The following CSMD1 variants were observed in gnomAD, a reference collection of about 807,000 sequenced individuals.
CSMD1 encodes CUB and sushi domain-containing protein 1.
Under a neutral mutation model 417.5 loss-of-function variants are expected in CSMD1, and 213 were observed. The observed-to-expected ratio is 0.51, with a 90% CI of 0.46 to 0.57. CSMD1 has a LOEUF of 0.57. Ranked by LOEUF, CSMD1 falls within the 20% of genes least tolerant of loss-of-function variation. CSMD1 has a pLI of 0.00. For synonymous variants in CSMD1, 2,862 were observed against 1,736.8 expected (o/e 1.65, Z -16.11); for missense variants, 6,923 against 4,529.7 (o/e 1.53, Z -15.17).
chr8:3,941,011 A>G (rs145358838), intron 5 of CSMD1, among the ~76,000 whole-genome samples: 3 of 152,096 alleles, frequency 2.0e-5, no homozygotes, highest in African/African-American at 4.8e-5. Context: ...ATAGATGTAC[A>G]TATTTCCATG....
At chr8:3,853,501 C>G (rs929028711) in intron 5 of CSMD1, among the ~76,000 whole-genome samples, 11 of 152,166 alleles carry the variant, frequency 7.2e-5, no homozygotes, top group African/African-American at 2.4e-4. Flanking sequence ...AGACACTTCT[C>G]AAGCATCAAT....
At chr8:3,002,679 G>GT (rs1353951530) in intron 52 of CSMD1, among the ~76,000 whole-genome samples, 1 of 152,186 alleles carries the variant, frequency 6.6e-6, no homozygotes, top group African/African-American at 2.4e-5. Context: ...TCTGAACTGA[G>GT]TTTTTTGTAA....
rs372213269 is a variant in CSMD1, at chr8:3,928,062, C to T, written c.818+69841G>A. Reference sequence around the variant, plus strand: ...CATCAATTTTTTTCTTAAATTTCCCCACTTTATTCAAGGAGGCCTGAGTTT... The same window carrying T: ...CATCAATTTTTTTCTTAAATTTCCCTACTTTATTCAAGGAGGCCTGAGTTT... On this transcript the variant is annotated intron_variant, in intron 5 of 69. Transcript: ENST00000635120. 4.0e-5 allele frequency among the ~76,000 whole-genome samples: 6 copies of T among 151,898 alleles called. No homozygotes were observed. The East Asian group carries it at 5.8e-4, about 15-fold the overall frequency.
chr8:3,684,036 T>A (rs1406054286), intron 7 of CSMD1, among the ~76,000 whole-genome samples: 1 of 150,322 alleles, frequency 6.7e-6, no homozygotes, highest in Non-Finnish European at 1.5e-5. Flanking sequence ...AAAGAGACAG[T>A]CTTTCTATTT....
chr8:4,841,576 G>T (rs976060262), intron 1 of CSMD1, among the ~76,000 whole-genome samples: 2 of 152,052 alleles, frequency 1.3e-5, no homozygotes, highest in African/African-American at 4.8e-5. Flanking sequence ...AAACCATTAC[G>T]CTGAAATATA....
At chr8:4,446,178 TCAAAGAAA>T (rs1461375260) in intron 2 of CSMD1, among the ~76,000 whole-genome samples, 1 of 152,212 alleles carries the variant, frequency 6.6e-6, no homozygotes, top group East Asian at 1.9e-4. Flanking sequence ...AAATGACGCA[TCAAAGAAA>T]CAAAAGACAT....
chr8:3,494,567 GA>G lies in CSMD1; in HGVS notation c.1345-842del, dbSNP rs1563092028. Among the ~76,000 whole-genome samples the G allele has an allele frequency of 5.6e-3, 609 of 109,312 alleles. 4 individuals carry two copies. The highest frequency in any genetic ancestry group is 0.018 in the African/African-American group (554 of 30,178). 71.7% of individuals were successfully genotyped at this position (109,312 alleles called of 152,430 possible). On this transcript the variant is annotated intron_variant, in intron 10 of 69. Transcript: ENST00000635120. ...AGACAGATTAGATGATAGATAGATA[GA>G]TAGATAGATAGATAGATAGATAGAT...
intron 3 of CSMD1, among the ~76,000 whole-genome samples, chr8:4,388,487 G>A (rs1468218966): frequency 6.6e-6 from 1 of 151,748 alleles, no homozygotes; most frequent in Non-Finnish European, 1.5e-5. Context: ...TCACTGATAT[G>A]TGGGAGGTAA....
chr8:3,421,070 A>T (rs1294201221), intron 12 of CSMD1, among the ~76,000 whole-genome samples: 1 of 152,240 alleles, frequency 6.6e-6, no homozygotes, highest in Non-Finnish European at 1.5e-5. Flanking sequence ...ACAATAACTG[A>T]AGACGAAGCT....
At chr8:3,292,647 A>T (rs1180554135) in intron 25 of CSMD1, among the ~76,000 whole-genome samples, 3 of 152,166 alleles carry the variant, frequency 2.0e-5, no homozygotes, top group Non-Finnish European at 4.4e-5. Flanking sequence ...CTAGGATGGC[A>T]ACCCCTGCCT....
At chr8:3,647,771 AGT>A (rs1264249068) in intron 7 of CSMD1, among the ~76,000 whole-genome samples, 1 of 152,214 alleles carries the variant, frequency 6.6e-6, no homozygotes, top group African/African-American at 2.4e-5. Context: ...AGAGAGAAAG[AGT>A]GAGAGAAAGA....
At chr8:3,882,630 G>A (rs1419303831) in intron 5 of CSMD1, among the ~76,000 whole-genome samples, 1 of 152,128 alleles carries the variant, frequency 6.6e-6, no homozygotes, top group Non-Finnish European at 1.5e-5. Context: ...TGAAAATTAT[G>A]TAATTGCCCT....
At chr8:3,301,926 C>G (rs1269649904) in intron 25 of CSMD1, among the ~76,000 whole-genome samples, 4 of 152,052 alleles carry the variant, frequency 2.6e-5, no homozygotes, top group Non-Finnish European at 4.4e-5. Context: ...GCTTTGTTTT[C>G]AGATTCTATG....
At chr8:4,264,200 C>A (rs77356676) in intron 3 of CSMD1, among the ~76,000 whole-genome samples, 1 of 152,108 alleles carries the variant, frequency 6.6e-6, no homozygotes, top group South Asian at 2.1e-4. Flanking sequence ...ATGATGATTA[C>A]CAACGTGACT....
chr8:3,405,887 C>A, intron 15 of CSMD1, 140 bp downstream of exon 15: 1 of 743,074 alleles, frequency 1.3e-6, no homozygotes, highest in Non-Finnish European at 2.1e-6. Flanking sequence ...AGACTGTACA[C>A]TCCTGTTGGT....
At chr8:4,608,276 C>G (rs955353763) in intron 2 of CSMD1, among the ~76,000 whole-genome samples, 1 of 152,164 alleles carries the variant, frequency 6.6e-6, no homozygotes, top group Admixed American at 6.5e-5. Context: ...AAGTCTGCAC[C>G]GTGGGCTAAG....
chr8:3,109,916 A>G (rs1816391689), intron 43 of CSMD1, among the ~76,000 whole-genome samples: 1 of 151,932 alleles, frequency 6.6e-6, no homozygotes, highest in Non-Finnish European at 1.5e-5. Context: ...ACACACATCC[A>G]ATACATACAC....
At chr8:3,890,716 T>C (rs773151078) in intron 5 of CSMD1, among the ~76,000 whole-genome samples, 4 of 152,116 alleles carry the variant, frequency 2.6e-5, no homozygotes, top group Non-Finnish European at 5.9e-5. Context: ...TAAAGGAAGA[T>C]ATTGGGAGCA....
chr8:3,128,934 G>A (rs1817650989), intron 41 of CSMD1: 1 of 435,278 alleles, frequency 2.3e-6, no homozygotes. Context: ...GCAGATCTAA[G>A]GGTATCTCAC....
Sources: allele counts gnomAD v4.1 joint callset (sites outside exome capture counted in the v4.1 genomes callset), GRCh38; gene constraint gnomAD v4.1.1; transcripts MANE v1.5; gene names NCBI Gene and HGNC (gene_info 2026-07-23, HGNC 2026-07-21).